Variants in COL23A1 observed in about 807,000 individuals in gnomAD.
The protein encoded by COL23A1 is collagen type XXIII alpha 1 chain.
Under a neutral mutation model 99.3 loss-of-function variants are expected in COL23A1, and 97 were observed. The ratio of observed to expected loss-of-function variants is 0.98; its 90% CI spans 0.83 to 1.16. The LOEUF (loss-of-function observed/expected upper bound fraction) is 1.16. Ranked by LOEUF, COL23A1 falls within the 50% of genes most tolerant of loss-of-function variation. The pLI, the probability that COL23A1 is intolerant of heterozygous loss-of-function variation, is 0.00. For synonymous variants in COL23A1, 320 were observed against 308.2 expected, an observed-to-expected ratio of 1.04 and a Z score of -0.40; for missense variants, 762 against 757.4, an observed-to-expected ratio of 1.01 and a Z score of -0.07.
At chr5:178,472,094 C>T (rs1289624326) in intron 2 of COL23A1, among the ~76,000 whole-genome samples, 3 of 152,158 alleles carry the variant, frequency 2.0e-5, no homozygotes, top group African/African-American at 4.8e-5. Flanking sequence ...GAGGTCGAGG[C>T]TGCAGTGAGC....
intron 2 of COL23A1, among the ~76,000 whole-genome samples, chr5:178,548,779 A>G (rs1249322809): frequency 6.6e-6 from 1 of 152,136 alleles, no homozygotes; most frequent in Non-Finnish European, 1.5e-5. Context: ...ACTTATTTTC[A>G]AACTTAAGGT....
At chr5:178,523,163 C>CACATATATATATATATATATACACAT (rs1370406285) in intron 2 of COL23A1, among the ~76,000 whole-genome samples, 2 of 95,550 alleles carry the variant, frequency 2.1e-5, no homozygotes, top group African/African-American at 4.0e-5. Context: ...TATATATATA[C>CACATATATATATATATATATACACAT]ATATATATAT....
intron 2 of COL23A1, among the ~76,000 whole-genome samples, chr5:178,358,478 C>A (rs1291618343): frequency 8.0e-6 from 1 of 124,840 alleles, no homozygotes; most frequent in African/African-American, 3.2e-5. Flanking sequence ...TGTGCGTATG[C>A]GTATATATGT....
intron 5 of COL23A1, among the ~76,000 whole-genome samples, chr5:178,287,599 G>T (rs1757225586): frequency 1.3e-5 from 2 of 152,270 alleles, no homozygotes; most frequent in South Asian, 4.1e-4. Flanking sequence ...TGACTGCACA[G>T]ATCTGTCCCG....
At chr5:178,278,870 T>G (rs1581513352) in intron 5 of COL23A1, among the ~76,000 whole-genome samples, 1 of 151,876 alleles carries the variant, frequency 6.6e-6, no homozygotes, top group Non-Finnish European at 1.5e-5. Flanking sequence ...AGGGGAAGGG[T>G]GGGTTAATGA....
intron 2 of COL23A1, among the ~76,000 whole-genome samples, chr5:178,462,725 CA>C (rs1756190203): frequency 6.6e-6 from 1 of 152,202 alleles, no homozygotes; most frequent in Non-Finnish European, 1.5e-5. Context: ...CGGGATTTAA[CA>C]AATTTAACTA....
In COL23A1 at chr5:178,379,881, C is replaced by CA. The variant is rs71587651; in HGVS notation, c.362-72963dup. Among the ~76,000 whole-genome samples, 267 of 109,354 alleles carry CA rather than the reference C, an allele frequency of 2.4e-3. 2 individuals are homozygous for CA. In the East Asian group the frequency reaches 0.025, roughly 10 times the overall value. 71.7% of individuals were successfully genotyped at this position (109,354 alleles called of 152,430 possible). A position where few individuals can be genotyped will look rare whatever the true frequency, so the allele number is the denominator to read the frequency against. The stretch of plus-strand genomic sequence containing the variant: ...GGGCAACAAGAGCGAAACTCCATCT[C>CA]AAAAAAAAAAAAAAGAAAAGAAAAA... On this transcript the variant is annotated intron_variant, in intron 2 of 28. Transcript: ENST00000390654.
chr5:178,408,757 C>A (rs954209074), intron 2 of COL23A1, among the ~76,000 whole-genome samples: 21 of 151,898 alleles, frequency 1.4e-4, no homozygotes, highest in Non-Finnish European at 2.6e-4. Context: ...GAGTTCGAGA[C>A]CAGCTTGACC....
intron 2 of COL23A1, among the ~76,000 whole-genome samples, chr5:178,460,939 G>A (rs2127900116): frequency 6.6e-6 from 1 of 152,292 alleles, no homozygotes; most frequent in East Asian, 1.9e-4. Flanking sequence ...GGGGGTCTCA[G>A]CTCATGCCCC....
At chr5:178,357,996 GTGTA>G (rs745706560) in intron 2 of COL23A1, among the ~76,000 whole-genome samples, 1 of 145,078 alleles carries the variant, frequency 6.9e-6, no homozygotes, top group African/African-American at 2.6e-5. Context: ...GTATGCGTGT[GTGTA>G]TATGTATGTG....
intron 1 of COL23A1, among the ~76,000 whole-genome samples, chr5:178,575,140 G>T (rs897009639): frequency 6.6e-6 from 1 of 152,128 alleles, no homozygotes. Context: ...CTTGCCTTAT[G>T]AGTGCTGCAG....
intron 12 of COL23A1, 54 bp downstream of exon 12, chr5:178,259,667 T>A: frequency 7.2e-7 from 1 of 1,380,480 alleles, no homozygotes; most frequent in Non-Finnish European, 1.0e-6. Context: ...CCTGCCCTTC[T>A]CTCCAGCCAC....
chr5:178,488,117 G>A (rs181372266), intron 2 of COL23A1, among the ~76,000 whole-genome samples: 1 of 152,290 alleles, frequency 6.6e-6, no homozygotes, highest in East Asian at 1.9e-4. Context: ...AGCACTCCGG[G>A]GAGCTATTGT....
At chr5:178,315,496 C>T (rs1321213294) in intron 2 of COL23A1, among the ~76,000 whole-genome samples, 1 of 152,212 alleles carries the variant, frequency 6.6e-6, no homozygotes, top group African/African-American at 2.4e-5. Context: ...GCTGGTCAGG[C>T]CAGGGCGTTT....
intron 2 of COL23A1, among the ~76,000 whole-genome samples, chr5:178,373,002 C>G (rs1762882068): frequency 6.7e-6 from 1 of 148,668 alleles, no homozygotes; most frequent in Admixed American, 6.8e-5. Context: ...AATCCCGGCT[C>G]ACTGCAACCT....
intron 25 of COL23A1, among the ~76,000 whole-genome samples, chr5:178,242,997 G>C (rs1342650448): frequency 6.6e-6 from 1 of 152,048 alleles, no homozygotes; most frequent in African/African-American, 2.4e-5. Flanking sequence ...AGGAGTTTGA[G>C]ACCCACCCTG....
intron 2 of COL23A1, among the ~76,000 whole-genome samples, chr5:178,330,322 C>T (rs1421620097): frequency 6.6e-6 from 1 of 152,228 alleles, no homozygotes; most frequent in Non-Finnish European, 1.5e-5. Flanking sequence ...TCCCTCCTGA[C>T]TGGGTCAAGC....
At chr5:178,464,905 T>C (rs190362389) in intron 2 of COL23A1, among the ~76,000 whole-genome samples, 2 of 152,338 alleles carry the variant, frequency 1.3e-5, no homozygotes, top group African/African-American at 4.8e-5. Flanking sequence ...GCTCTGTGCT[T>C]GAACGGAAGT....
intron 27 of COL23A1, among the ~76,000 whole-genome samples, chr5:178,240,628 T>C (rs1764344479): frequency 6.6e-6 from 1 of 152,368 alleles, no homozygotes; most frequent in East Asian, 1.9e-4. Flanking sequence ...CTGCCCCTGC[T>C]GTCCCCGCCC....
Sources: allele counts gnomAD v4.1 joint callset (sites outside exome capture counted in the v4.1 genomes callset), GRCh38; gene constraint gnomAD v4.1.1; transcripts MANE v1.5; gene names NCBI Gene and HGNC (gene_info 2026-07-23, HGNC 2026-07-21).